Variants in PARP8 observed in about 807,000 individuals in gnomAD.
PARP8 encodes the protein protein mono-ADP-ribosyltransferase PARP8.
PARP8 carries 51 observed loss-of-function variants against 124.1 expected under a neutral mutation model. The ratio of observed to expected loss-of-function variants is 0.41; its 90% CI spans 0.33 to 0.52. PARP8 has a LOEUF of 0.52. Ranked by LOEUF, PARP8 falls within the 20% of genes least tolerant of loss-of-function variation. The probability of loss-of-function intolerance (pLI) is 0.21; values close to 1 mark genes in which losing one functional copy is unlikely to be tolerated. For synonymous variants in PARP8, 391 were observed against 361.5 expected (o/e 1.08, Z -0.93); for missense variants, 860 against 1,018.9 (o/e 0.84, Z 2.12).
At chr5:50,799,038 A>G (rs1742891305) in intron 14 of PARP8, among the ~76,000 whole-genome samples, 1 of 152,114 alleles carries the variant, frequency 6.6e-6, no homozygotes, top group Non-Finnish European at 1.5e-5. Context: ...TCATTTTTTA[A>G]AGGTAATCTT....
At chr5:50,813,038 G>T (rs1252775239) in intron 14 of PARP8, among the ~76,000 whole-genome samples, 1 of 152,134 alleles carries the variant, frequency 6.6e-6, no homozygotes, top group African/African-American at 2.4e-5. Flanking sequence ...GATGCCTCCA[G>T]CTTGTTCTTT....
chr5:50,836,026 C>T (rs76330877), intron 25 of PARP8, among the ~76,000 whole-genome samples: 6,385 of 152,128 alleles, frequency 0.042, 429 homozygotes, highest in African/African-American at 0.15. Context: ...AAGGTTGCTT[C>T]GGTATACTGT....
intron 10 of PARP8, among the ~76,000 whole-genome samples, chr5:50,789,240 A>G (rs1435115254): frequency 6.6e-6 from 1 of 152,164 alleles, no homozygotes; most frequent in Non-Finnish European, 1.5e-5. Flanking sequence ...ATAAATATCT[A>G]TTTTTAAAAA....
chr5:50,722,481 T>C (rs1755993761), intron 2 of PARP8, among the ~76,000 whole-genome samples: 1 of 152,152 alleles, frequency 6.6e-6, no homozygotes, highest in Non-Finnish European at 1.5e-5. Context: ...TCAGTGACTG[T>C]ATGGAGCTGA....
intron 1 of PARP8, chr5:50,667,743 G>A (rs768666452): frequency 5.7e-6 from 4 of 707,220 alleles, no homozygotes; most frequent in Non-Finnish European, 1.0e-5. Flanking sequence ...CCTGCCTGGG[G>A]GTCGCCTTTC....
intron 2 of PARP8, among the ~76,000 whole-genome samples, chr5:50,721,602 C>T (rs1273832587): frequency 2.6e-5 from 4 of 151,928 alleles, no homozygotes; most frequent in East Asian, 1.9e-4. Context: ...TTTCTGTGGC[C>T]GATTAATTCA....
intron 7 of PARP8, among the ~76,000 whole-genome samples, chr5:50,763,697 G>T (rs1760782905): frequency 6.7e-6 from 1 of 149,730 alleles, no homozygotes; most frequent in African/African-American, 2.4e-5. Context: ...TTATTCTGTA[G>T]TTACCTAATA....
At chr5:50,771,146 T>A (rs1234003486) in intron 7 of PARP8, among the ~76,000 whole-genome samples, 2 of 150,216 alleles carry the variant, frequency 1.3e-5, no homozygotes, top group African/African-American at 4.9e-5. Context: ...CACATATATA[T>A]AATATATATA....
At chr5:50,791,661 A>G (rs190215049) in intron 10 of PARP8, among the ~76,000 whole-genome samples, 1 of 152,160 alleles carries the variant, frequency 6.6e-6, no homozygotes, top group Admixed American at 6.6e-5. Context: ...GGCTCAGCAT[A>G]TCACAGACAA....
chr5:50,786,306 A>T (rs905792575), intron 9 of PARP8, among the ~76,000 whole-genome samples: 5 of 151,850 alleles, frequency 3.3e-5, no homozygotes, highest in African/African-American at 1.2e-4. Context: ...TTGGGTTTTC[A>T]TCTTAATTAA....
chr5:50,703,558 G>T (rs1278031360), intron 2 of PARP8, among the ~76,000 whole-genome samples: 1 of 152,024 alleles, frequency 6.6e-6, no homozygotes, highest in East Asian at 1.9e-4. Flanking sequence ...CTTATTGAGG[G>T]CCTGATGTAT....
intron 2 of PARP8, among the ~76,000 whole-genome samples, chr5:50,671,169 T>C (rs1041750545): frequency 4.6e-5 from 7 of 152,238 alleles, no homozygotes; most frequent in South Asian, 2.1e-4. Context: ...GTCATACTTA[T>C]CTTCTGTCTC....
intron 15 of PARP8, among the ~76,000 whole-genome samples, chr5:50,819,743 C>A (rs1274315895): frequency 6.6e-6 from 1 of 152,104 alleles, no homozygotes; most frequent in East Asian, 1.9e-4. Context: ...CTGCGCCCAA[C>A]AAGGCTATTT....
At chr5:50,758,759 G>T (rs1485792710) in intron 3 of PARP8, among the ~76,000 whole-genome samples, 1 of 152,110 alleles carries the variant, frequency 6.6e-6, no homozygotes, top group African/African-American at 2.4e-5. Flanking sequence ...TCATCAATGA[G>T]CAAAGAAAAA....
At position 50,821,321 on chromosome 5, in the gene PARP8, T is replaced by C; in HGVS notation, c.1777T>C (p.Leu593=). The C allele has an allele frequency of 6.2e-7, 1 of 1,614,108 alleles. No homozygotes were observed. Among genetic ancestry groups the C allele is most frequent in the Non-Finnish European group, 8.5e-7 (1 of 1,179,964 alleles). ...SVVDPNDPQM[L]AFNPRKKNYD... ...GGTAGATCCTAATGATCCTCAGATG[T>C]TGGCCTTCAACCCCAGGGTAAGTTG... Residue 593 remains leucine, a synonymous_variant, in exon 16 of 26, where the codon TTG becomes CTG. Transcript: ENST00000281631.
intron 3 of PARP8, among the ~76,000 whole-genome samples, chr5:50,754,150 T>TATAC (rs1312947286): frequency 0.01 from 376 of 36,986 alleles, 1 homozygote; most frequent in South Asian, 0.022. Flanking sequence ...TATATATATA[T>TATAC]ACACACACAC....
intron 2 of PARP8, among the ~76,000 whole-genome samples, chr5:50,715,212 C>T (rs1002497371): frequency 5.5e-4 from 84 of 152,114 alleles, no homozygotes; most frequent in African/African-American, 1.9e-3. Flanking sequence ...AAAAGCGTCT[C>T]ACATGGTCTT....
At chr5:50,692,087 T>C (rs1752552472) in intron 2 of PARP8, among the ~76,000 whole-genome samples, 2 of 152,182 alleles carry the variant, frequency 1.3e-5, no homozygotes, top group African/African-American at 4.8e-5. Context: ...TTGTGCTTCA[T>C]TCTATTCCAT....
intron 16 of PARP8, among the ~76,000 whole-genome samples, chr5:50,821,969 C>T (rs1033592882): frequency 2.0e-5 from 3 of 152,150 alleles, no homozygotes; most frequent in African/African-American, 2.4e-5. Flanking sequence ...AAAATAAAAG[C>T]GGTTGTGAGA....
Sources: gnomAD v4.1 joint callset for allele counts (sites outside exome capture counted in the v4.1 genomes callset) on GRCh38, gnomAD v4.1.1 for gene constraint, MANE v1.5 for transcripts, NCBI Gene and HGNC (gene_info 2026-07-23, HGNC 2026-07-21) for gene names.